The following DEFB121 variants were observed in gnomAD, a reference collection of about 807,000 sequenced individuals.
DEFB121 encodes defensin beta 121.
A neutral mutation model predicts 2.5 loss-of-function variants in DEFB121; 5 were observed. That is an observed-to-expected ratio of 1.96 (90% CI 1.03 to 4.13). DEFB121 has a LOEUF of 4.13. Ranked by LOEUF, DEFB121 falls within the 30% of genes most tolerant of loss-of-function variation. The pLI is 0.00. For synonymous variants in DEFB121, 39 were observed against 32.6 expected, an observed-to-expected ratio of 1.20 and a Z score of -0.67; for missense variants, 87 against 85.0, an observed-to-expected ratio of 1.02 and a Z score of -0.09.
chr20:31,410,852 G>GAGAGAA (rs1426002632), upstream of DEFB121, among the ~76,000 whole-genome samples: 179 of 150,750 alleles, frequency 1.2e-3, no homozygotes, highest in African/African-American at 4.2e-3. Flanking sequence ...GAGAGAGAGA[G>GAGAGAA]AGAAAGAGAG....
upstream of DEFB121, among the ~76,000 whole-genome samples, chr20:31,416,018 T>A (rs1336220981): frequency 2.0e-5 from 3 of 151,898 alleles, no homozygotes; most frequent in African/African-American, 7.3e-5. Flanking sequence ...CTGAGGGAGG[T>A]TGAAAAGGCA....
At chr20:31,408,395 T>A (rs1273371383), upstream of DEFB121, among the ~76,000 whole-genome samples, 2 of 152,126 alleles carry the variant, frequency 1.3e-5, no homozygotes, top group Non-Finnish European at 2.9e-5. Context: ...GAAGCTACAA[T>A]GAGCTAAAAT....
upstream of DEFB121, among the ~76,000 whole-genome samples, chr20:31,413,805 A>G (rs759055623): frequency 3.3e-5 from 5 of 152,232 alleles, no homozygotes; most frequent in African/African-American, 7.2e-5. Context: ...TCCAAACAAC[A>G]AAAGACAATT....
At chr20:31,410,913 T>C (rs1978646500), upstream of DEFB121, among the ~76,000 whole-genome samples, 1 of 152,082 alleles carries the variant, frequency 6.6e-6, no homozygotes, top group African/African-American at 2.4e-5. Flanking sequence ...GAAGGTACTT[T>C]CTTTATGCAT....
upstream of DEFB121, among the ~76,000 whole-genome samples, chr20:31,415,110 C>T (rs1600534897): frequency 6.6e-6 from 1 of 152,274 alleles, no homozygotes; most frequent in African/African-American, 2.4e-5. Context: ...ATCTGCTGTA[C>T]TACATTGTAC....
upstream of DEFB121, among the ~76,000 whole-genome samples, chr20:31,410,823 TGAGAGA>T (rs72164704): frequency 3.8e-3 from 514 of 136,120 alleles, 5 homozygotes; most frequent in Non-Finnish European, 6.4e-3. Flanking sequence ...CCTTGAAAAA[TGAGAGA>T]GAGAGAGAGA....
rs139589215 is a variant in DEFB121 at position 31,404,976 on chromosome 20, A to G, written c.168T>C (p.Tyr56=). ...TEAKCCVDPK[Y]VPVKPKLTDT... is the part of the protein sequence containing the mutation. Reference sequence around the variant, plus strand: ...CTGTTAATTTTGGTTTTACAGGTACATACTTGGGATCCACACAGCACTTAG... The same window carrying G: ...CTGTTAATTTTGGTTTTACAGGTACGTACTTGGGATCCACACAGCACTTAG... The change falls in exon 2 of 2, where the codon TAT becomes TAC. Residue 56 remains tyrosine (Y), a synonymous_variant. Coordinates refer to ENST00000376314, the MANE Select transcript of DEFB121 (RefSeq NM_001011878.3). 471 of 1,613,942 alleles carry G rather than the reference A, an allele frequency of 2.9e-4. No individual in the cohort carries two copies. The highest frequency in any genetic ancestry group is 3.8e-4 in the Non-Finnish European group (452 of 1,180,026).
At chr20:31,410,823 T>TGAGAGAGAGAGAGAGA (rs72164704), upstream of DEFB121, among the ~76,000 whole-genome samples, 361 of 136,090 alleles carry the variant, frequency 2.7e-3, 1 homozygote, top group African/African-American at 8.5e-3. Flanking sequence ...CCTTGAAAAA[T>TGAGAGAGAGAGAGAGA]GAGAGAGAGA....
upstream of DEFB121, among the ~76,000 whole-genome samples, chr20:31,410,044 A>T (rs989936096): frequency 2.0e-5 from 3 of 152,230 alleles, no homozygotes; most frequent in Non-Finnish European, 4.4e-5. Context: ...TTATACCTCA[A>T]AAAAGTTGAC....
At chr20:31,409,328 AT>A (rs1978591498), upstream of DEFB121, among the ~76,000 whole-genome samples, 1 of 152,232 alleles carries the variant, frequency 6.6e-6, no homozygotes, top group Non-Finnish European at 1.5e-5. Context: ...TTTATTCACC[AT>A]AAGTGAAAAC....
chr20:31,411,775 T>A (rs960075045), intron 1 of DEFB121, among the ~76,000 whole-genome samples: 1 of 152,184 alleles, frequency 6.6e-6, no homozygotes, highest in Non-Finnish European at 1.5e-5. Flanking sequence ...ATATTAAAGG[T>A]GTACGCAGTT....
At chr20:31,406,746 G>A (rs1313886613), upstream of DEFB121, among the ~76,000 whole-genome samples, 1 of 152,172 alleles carries the variant, frequency 6.6e-6, no homozygotes, top group Non-Finnish European at 1.5e-5. Flanking sequence ...GGAACAAGTA[G>A]CACCCTCATA....
upstream of DEFB121, among the ~76,000 whole-genome samples, chr20:31,417,665 G>A (rs886307211): frequency 3.3e-5 from 5 of 152,002 alleles, no homozygotes; most frequent in African/African-American, 1.2e-4. Context: ...AATCCCACAC[G>A]AAATTTAGGG....
upstream of DEFB121, among the ~76,000 whole-genome samples, chr20:31,408,388 G>C (rs1978554698): frequency 6.6e-6 from 1 of 152,098 alleles, no homozygotes; most frequent in African/African-American, 2.4e-5. Context: ...GGAGGTCGAA[G>C]CTACAATGAG....
At chr20:31,406,577 A>G (rs1190298447), upstream of DEFB121, among the ~76,000 whole-genome samples, 1 of 152,178 alleles carries the variant, frequency 6.6e-6, no homozygotes, top group Non-Finnish European at 1.5e-5. Flanking sequence ...GATGTCCCAT[A>G]TGTTGATGAT....
At chr20:31,415,658 T>TAC (rs1432041401), upstream of DEFB121, among the ~76,000 whole-genome samples, 7 of 151,588 alleles carry the variant, frequency 4.6e-5, no homozygotes, top group Non-Finnish European at 1.0e-4. Flanking sequence ...AATATATATA[T>TAC]ATTACAGTAG....
upstream of DEFB121, among the ~76,000 whole-genome samples, chr20:31,415,003 G>A (rs754866975): frequency 3.9e-5 from 6 of 152,160 alleles, no homozygotes; most frequent in African/African-American, 1.2e-4. Flanking sequence ...AAAGGTGGAG[G>A]CTGCAGTGAG....
At chr20:31,408,700 C>G (rs1425015052), upstream of DEFB121, among the ~76,000 whole-genome samples, 1 of 152,158 alleles carries the variant, frequency 6.6e-6, no homozygotes, top group African/African-American at 2.4e-5. Flanking sequence ...ATTTTCACAT[C>G]TCTAAATGAA....
intron 1 of DEFB121, among the ~76,000 whole-genome samples, chr20:31,412,453 C>T (rs1022217435): frequency 6.6e-6 from 1 of 152,202 alleles, no homozygotes; most frequent in Non-Finnish European, 1.5e-5. Context: ...TAGTTAATCT[C>T]TCTGAACTTC....
Sources: gnomAD v4.1 joint callset for allele counts (sites outside exome capture counted in the v4.1 genomes callset) on GRCh38, gnomAD v4.1.1 for gene constraint, MANE v1.5 for transcripts, NCBI Gene and HGNC (gene_info 2026-07-23, HGNC 2026-07-21) for gene names.